The following PLEKHA4 variants were observed in gnomAD, a reference collection of about 807,000 sequenced individuals.
PLEKHA4 encodes pleckstrin homology domain-containing family A member 4.
PLEKHA4 carries 73 observed loss-of-function variants against 94.7 expected under a neutral mutation model. The ratio of observed to expected loss-of-function variants is 0.77; its 90% CI spans 0.64 to 0.94. The LOEUF is 0.94. PLEKHA4 is among the 40% of genes least tolerant of loss of function. The pLI is 0.00. For missense variants in PLEKHA4, 1,049 were observed against 1,054.1 expected, an observed-to-expected ratio of 1.00 and a Z score of 0.07; for synonymous variants, 449 against 437.1, an observed-to-expected ratio of 1.03 and a Z score of -0.34.
At chr19:48,861,089 TC>T (rs1214512686) in intron 5 of PLEKHA4, among the ~76,000 whole-genome samples, 2 of 151,928 alleles carry the variant, frequency 1.3e-5, no homozygotes. Context: ...GCGCCTGTAA[TC>T]CCAGCTACTC....
chr19:48,860,568 G>A (rs1157675562), intron 5 of PLEKHA4, 109 bp from the exon 6 acceptor site: 4 of 783,216 alleles, frequency 5.1e-6, no homozygotes, highest in Admixed American at 4.1e-5. Flanking sequence ...AGGCCGATGC[G>A]GGAGGATGGC....
In PLEKHA4 at chr19:48,861,494, G is replaced by A. The variant is rs2292032; in HGVS notation, c.273C>T (p.Arg91=). The change falls in exon 5 of 20, where the codon CGC becomes CGT. Residue 91 remains arginine, a synonymous_variant. Coordinates refer to ENST00000263265, the MANE Select transcript of PLEKHA4 (RefSeq NM_020904.3). ...GHCLFYYKDS[R]EESVLGSVLL... ...GGACGCTGCCTAGGACACTCTCCTC[G>A]CGGCTGTCTGCAAAGAGGGGCTGGG... is the stretch of plus-strand genomic sequence containing the variant. The A allele has an allele frequency of 8.4e-4, 1,348 of 1,614,014 alleles. 24 individuals are homozygous for A. In the East Asian group the frequency reaches 0.027, roughly 32 times the overall value.
At position 48,858,846 on chromosome 19, in the gene PLEKHA4, A is replaced by G; in HGVS notation, c.972+14T>C. The G allele has an allele frequency of 1.9e-6, 3 of 1,612,054 alleles. No homozygotes were observed. The highest frequency in any genetic ancestry group is 1.7e-6 in the Non-Finnish European group (2 of 1,179,384). On this transcript the variant is annotated intron_variant, in intron 8 of 19. Coordinates refer to ENST00000263265, the MANE Select transcript of PLEKHA4 (RefSeq NM_020904.3). ...TGGGAAACGTAGTCCCCTCCTTCTC[A>G]CCTCTCTGCTCACCTGTGTTCTGGG... is the stretch of plus-strand genomic sequence containing the variant.
intron 9 of PLEKHA4, among the ~76,000 whole-genome samples, chr19:48,856,054 C>A (rs2036393274): frequency 6.6e-6 from 1 of 151,590 alleles, no homozygotes; most frequent in South Asian, 2.1e-4. Context: ...TGCCTGTAAT[C>A]CCAGCTACTC....
intron 16 of PLEKHA4, among the ~76,000 whole-genome samples, 188 bp from the exon 17 acceptor site, chr19:48,841,498 G>A (rs2035767171): frequency 6.6e-6 from 1 of 151,918 alleles, no homozygotes; most frequent in South Asian, 2.1e-4. Flanking sequence ...GTGGTGGCAG[G>A]CACCTGTAAT....
intron 8 of PLEKHA4, among the ~76,000 whole-genome samples, chr19:48,858,554 G>A (rs767150083): frequency 4.2e-4 from 63 of 149,132 alleles, no homozygotes; most frequent in Non-Finnish European, 6.3e-4. Flanking sequence ...TTGAACCCGG[G>A]AGACAGAGGT....
chr19:48,859,123 A>G lies in PLEKHA4; in HGVS notation c.709T>C (p.Ser237Pro). 1 of 1,505,112 alleles carries G rather than the reference A, an allele frequency of 6.6e-7. No homozygotes were observed. The highest frequency in any genetic ancestry group is 8.8e-7 in the Non-Finnish European group (1 of 1,133,696). 93.2% of individuals were successfully genotyped at this position (1,505,112 alleles called of 1,614,324 possible). A position where few individuals can be genotyped will look rare whatever the true frequency, so the allele number is the denominator to read the frequency against. Reference sequence around the variant, plus strand: ...AGGCTCAGAGGCGAGGGAGGGCGAGAGAGGGGGGTGAACAGGCTGTGGGAA... The same window carrying G: ...AGGCTCAGAGGCGAGGGAGGGCGAGGGAGGGGGGTGAACAGGCTGTGGGAA... ...ARSPDLFTPL[S>P]RPPSPLSLPR... The change falls in exon 8 of 20, where the codon TCT becomes CCT. Residue 237 changes from serine (S) to proline (P), a missense_variant. Coordinates refer to ENST00000263265, the MANE Select transcript of PLEKHA4 (RefSeq NM_020904.3).
In PLEKHA4 at chr19:48,853,872, C is replaced by A. The variant is rs372623609; in HGVS notation, c.1177-41G>T. ...AGGTGGTTAGACTTCAGAAGCCATG[C>A]CTAGCCCCAAGAAGAAAGAAAAGAT... is the stretch of plus-strand genomic sequence containing the variant. On this transcript the variant is annotated intron_variant, in intron 11 of 19. Transcript: ENST00000263265. 35 of 1,589,160 alleles carry A rather than the reference C, an allele frequency of 2.2e-5. No homozygotes were observed. The African/African-American group carries it at 4.1e-4, about 18-fold the overall frequency.
rs530739415 is a variant in PLEKHA4 at position 48,840,680 on chromosome 19, C to T, written c.1905+469G>A. Reference sequence around the variant, plus strand: ...CCTCAGGTGATCCGCCCTCCTTGGCCTCCCAAATTGCTGGGATTACAGGCG... The same window carrying T: ...CCTCAGGTGATCCGCCCTCCTTGGCTTCCCAAATTGCTGGGATTACAGGCG... On this transcript the variant is annotated intron_variant, in intron 17 of 19. Transcript: ENST00000263265. Among the ~76,000 whole-genome samples the T allele has an allele frequency of 2.6e-5, 4 of 152,144 alleles. No individual in the cohort carries two copies. In the East Asian group the frequency reaches 5.9e-4, roughly 22 times the overall value.
At position 48,837,199 on chromosome 19, in the gene PLEKHA4, C is replaced by A; in HGVS notation, c.*90G>T. ...CGGGCCCGCAATGGGGACCAGACCA[C>A]GCCCCCTGATGCCCTGAGTGGTCCC... On this transcript the variant is annotated 3_prime_UTR_variant, in exon 20 of 20. Transcript: ENST00000263265. This position sits in a 1 kb window ranked among gnomAD's most constrained non-coding sequence, Gnocchi z 4.3. 1 of 1,585,032 alleles carries A rather than the reference C, an allele frequency of 6.3e-7. No individual in the cohort carries two copies. Among genetic ancestry groups the A allele is most frequent in the South Asian group, 1.1e-5 (1 of 90,170 alleles).
intron 13 of PLEKHA4, among the ~76,000 whole-genome samples, chr19:48,850,745 A>C (rs973768694): frequency 6.6e-6 from 1 of 152,106 alleles, no homozygotes; most frequent in Non-Finnish European, 1.5e-5. Context: ...TGAACCTGGG[A>C]GGCGGATGTT....
intron 9 of PLEKHA4, 73 bp from the exon 10 acceptor site, chr19:48,854,337 G>A (rs779504803): frequency 9.1e-5 from 121 of 1,334,976 alleles, no homozygotes; most frequent in East Asian, 2.5e-4. Context: ...GCTGAGCCAC[G>A]CCCTGTCTCT....
intron 14 of PLEKHA4, among the ~76,000 whole-genome samples, chr19:48,846,994 G>A (rs1310704507): frequency 6.6e-6 from 1 of 152,096 alleles, no homozygotes; most frequent in Non-Finnish European, 1.5e-5. Flanking sequence ...CGATTCTCCT[G>A]CCTCAGTCTC....
intron 5 of PLEKHA4, among the ~76,000 whole-genome samples, chr19:48,861,068 C>T (rs1310689638): frequency 6.6e-6 from 1 of 151,908 alleles, no homozygotes; most frequent in African/African-American, 2.4e-5. Context: ...ATTAGCCAGG[C>T]GTGGTGGCGT....
At position 48,864,411 on chromosome 19, in the gene PLEKHA4, G is replaced by A. The variant is rs1008993204; in HGVS notation, c.192+1092C>T. On this transcript the variant is annotated intron_variant, in intron 3 of 19. Coordinates refer to ENST00000263265, the MANE Select transcript of PLEKHA4 (RefSeq NM_020904.3). ...TTGAACTCCTGACCTCAGGTGATCCGCCCGCCTCAGCCTCCCAAAGCGTTT... is the reference window on the plus strand; with the variant it reads ...TTGAACTCCTGACCTCAGGTGATCCACCCGCCTCAGCCTCCCAAAGCGTTT... Among the ~76,000 whole-genome samples, 127 of 151,328 alleles carry A rather than the reference G, an allele frequency of 8.4e-4. 1 individual carries two copies. Among genetic ancestry groups the A allele is most frequent in the African/African-American group, 3.1e-3 (126 of 41,228 alleles).
At chr19:48,844,910 G>A (rs945229207) in intron 16 of PLEKHA4, among the ~76,000 whole-genome samples, 2 of 146,024 alleles carry the variant, frequency 1.4e-5, no homozygotes, top group Non-Finnish European at 3.0e-5. Context: ...TGCCTCCCGA[G>A]TTCAAGCGAT....
At position 48,841,306 on chromosome 19, in the gene PLEKHA4, G is replaced by C. The variant is rs771948676; in HGVS notation, c.1748C>G (p.Pro583Arg). The change falls in exon 17 of 20, where the codon CCG (proline) becomes CGG (arginine). Residue 583 changes from proline to arginine, a missense_variant. Transcript: ENST00000263265. ...GGCACTCATCCGGGGCCGGGCCACC[G>C]GGGCCTAGGGAGGCGAGAAACGTCC... ...LPSPQLGTKAPVARPRMSAQE... is the reference protein window; with the variant it reads ...LPSPQLGTKARVARPRMSAQE... 12 of 1,606,006 alleles carry C rather than the reference G, an allele frequency of 7.5e-6. No homozygotes were observed. The South Asian group carries it at 1.3e-4, about 18-fold the overall frequency.
At position 48,860,301 on chromosome 19, in the gene PLEKHA4, G is replaced by A. The variant is rs777135959; in HGVS notation, c.476+49C>T. The A allele has an allele frequency of 1.5e-5, 23 of 1,501,596 alleles. 1 individual carries two copies. The highest frequency in any genetic ancestry group is 3.4e-4 in the Middle Eastern group (2 of 5,846). The allele number at this position is 1,501,596 out of a possible 1,614,324, so 93.0% of individuals were successfully genotyped here. A position where few individuals can be genotyped will look rare whatever the true frequency, so the allele number is the denominator to read the frequency against. On this transcript the variant is annotated intron_variant, in intron 6 of 19. Transcript: ENST00000263265. The stretch of plus-strand genomic sequence containing the variant: ...CAAAGGGGAGGAGTTGGGATGACGA[G>A]ACTGACTCAGGGTGGAGGGTCAGGA...
intron 13 of PLEKHA4, 146 bp downstream of exon 13, chr19:48,852,082 G>T (rs1292627374): frequency 1.7e-6 from 1 of 602,722 alleles, no homozygotes; most frequent in Middle Eastern, 3.5e-4. Flanking sequence ...ACTAAAATAA[G>T]GGGCTTAGAT....
Sources: allele counts gnomAD v4.1 joint callset (sites outside exome capture counted in the v4.1 genomes callset), GRCh38; gene constraint gnomAD v4.1.1; non-coding constraint Gnocchi (gnomAD v3.1); transcripts MANE v1.5; gene names NCBI Gene and HGNC (gene_info 2026-07-23, HGNC 2026-07-21).